Variants in GALNTL6 observed in about 807,000 individuals in gnomAD.
GALNTL6 encodes the protein polypeptide N-acetylgalactosaminyltransferase-like 6.
In GALNTL6, 46 loss-of-function variants were observed where a neutral mutation model predicts 73.7. The ratio of observed to expected loss-of-function variants is 0.62; its 90% CI spans 0.49 to 0.80. The LOEUF is 0.80. Ranked by LOEUF, GALNTL6 falls within the 30% of genes least tolerant of loss-of-function variation. The pLI is 0.00. For missense variants in GALNTL6, 604 were observed against 755.0 expected (o/e 0.80, Z 2.34); for synonymous variants, 259 against 263.7 (o/e 0.98, Z 0.17).
chr4:172,388,475 T>C (rs756255119), intron 5 of GALNTL6, among the ~76,000 whole-genome samples: 1 of 152,102 alleles, frequency 6.6e-6, no homozygotes, highest in Non-Finnish European at 1.5e-5. Context: ...AAGACATTTA[T>C]TAGGAAAGTT....
chr4:172,893,342 T>TGGGGGGG (rs1188538488), intron 8 of GALNTL6, among the ~76,000 whole-genome samples: 1 of 129,664 alleles, frequency 7.7e-6, no homozygotes, highest in African/African-American at 3.3e-5. Context: ...GTTCTGAGAG[T>TGGGGGGG]GGCGGGGGGG....
chr4:172,901,631 A>G (rs1336652284), intron 8 of GALNTL6, among the ~76,000 whole-genome samples: 1 of 152,222 alleles, frequency 6.6e-6, no homozygotes, highest in Non-Finnish European at 1.5e-5. Context: ...GAAACAAAGA[A>G]TCATTTCACT....
At chr4:172,249,720 C>T (rs1737788872) in intron 3 of GALNTL6, among the ~76,000 whole-genome samples, 1 of 152,210 alleles carries the variant, frequency 6.6e-6, no homozygotes, top group Non-Finnish European at 1.5e-5. Context: ...TCAGAGGGTG[C>T]AAGCCCCAAG....
intron 5 of GALNTL6, among the ~76,000 whole-genome samples, chr4:172,657,473 T>C (rs1731094578): frequency 6.6e-6 from 1 of 152,248 alleles, no homozygotes; most frequent in South Asian, 2.1e-4. Flanking sequence ...GTTTGTTTTT[T>C]ATTTTGAAAG....
At chr4:172,587,855 G>A (rs1236324892) in intron 5 of GALNTL6, among the ~76,000 whole-genome samples, 2 of 152,182 alleles carry the variant, frequency 1.3e-5, no homozygotes, top group South Asian at 2.1e-4. Flanking sequence ...CACATGAGCT[G>A]TGCTTTACTC....
chr4:172,898,623 A>T (rs1411416797), intron 8 of GALNTL6, among the ~76,000 whole-genome samples: 1 of 152,150 alleles, frequency 6.6e-6, no homozygotes, highest in Non-Finnish European at 1.5e-5. Flanking sequence ...GTTATTGCTG[A>T]GGGAAAAAAA....
At chr4:172,177,755 G>GTACACATATGTACACA (rs1366100452) in intron 2 of GALNTL6, among the ~76,000 whole-genome samples, 1 of 54,830 alleles carries the variant, frequency 1.8e-5, no homozygotes, top group Non-Finnish European at 4.9e-5. Flanking sequence ...GTATATATAT[G>GTACACATATGTACACA]TGTGTATATA....
chr4:172,839,747 C>A (rs1579550757), intron 7 of GALNTL6, among the ~76,000 whole-genome samples: 1 of 152,268 alleles, frequency 6.6e-6, no homozygotes, highest in East Asian at 1.9e-4. Context: ...GTTGAATAAC[C>A]TTTGAGGCAA....
intron 9 of GALNTL6, among the ~76,000 whole-genome samples, chr4:172,946,048 G>A (rs1027445603): frequency 6.6e-6 from 1 of 152,142 alleles, no homozygotes; most frequent in Non-Finnish European, 1.5e-5. Context: ...CTTGCTGTAG[G>A]AGTGACTGTG....
intron 2 of GALNTL6, among the ~76,000 whole-genome samples, chr4:171,875,177 T>A (rs1164963552): frequency 6.6e-6 from 1 of 152,082 alleles, no homozygotes; most frequent in Non-Finnish European, 1.5e-5. Context: ...TACCAGGAAG[T>A]GTGGGGGTCC....
chr4:172,590,602 T>C (rs1441020201), intron 5 of GALNTL6, among the ~76,000 whole-genome samples: 2 of 152,170 alleles, frequency 1.3e-5, no homozygotes, highest in Non-Finnish European at 2.9e-5. Context: ...GAACATAGTA[T>C]AATTCACTTT....
intron 2 of GALNTL6, among the ~76,000 whole-genome samples, chr4:171,964,877 A>T (rs1739342110): frequency 6.6e-6 from 1 of 152,234 alleles, no homozygotes; most frequent in South Asian, 2.1e-4. Flanking sequence ...TTGGCTGGCC[A>T]CTGAAGGGAC....
chr4:172,708,552 G>C (rs1734502506), intron 5 of GALNTL6, among the ~76,000 whole-genome samples: 1 of 152,150 alleles, frequency 6.6e-6, no homozygotes, highest in South Asian at 2.1e-4. Flanking sequence ...CTCTCCCACA[G>C]ATTCCTTGTC....
At chr4:172,786,147 C>G (rs182976393) in intron 5 of GALNTL6, among the ~76,000 whole-genome samples, 2 of 151,690 alleles carry the variant, frequency 1.3e-5, no homozygotes, top group African/African-American at 4.8e-5. Flanking sequence ...AGTACTTGAA[C>G]TCCAATTCGC....
chr4:172,739,654 G>A (rs1375046333), intron 5 of GALNTL6, among the ~76,000 whole-genome samples: 5 of 151,998 alleles, frequency 3.3e-5, no homozygotes, highest in African/African-American at 9.7e-5. Flanking sequence ...TGTATTGATA[G>A]TACCCAGGAT....
intron 10 of GALNTL6, among the ~76,000 whole-genome samples, chr4:173,002,451 A>G (rs892949066): frequency 6.6e-6 from 1 of 152,040 alleles, no homozygotes; most frequent in African/African-American, 2.4e-5. Context: ...AATGGATACA[A>G]ATTTGGCATA....
intron 2 of GALNTL6, among the ~76,000 whole-genome samples, chr4:172,051,620 G>A (rs1730868696): frequency 6.6e-6 from 1 of 152,024 alleles, no homozygotes; most frequent in Non-Finnish European, 1.5e-5. Context: ...CTACCACACT[G>A]TTCTGCCATT....
At chr4:172,052,900 C>A (rs1560901932) in intron 2 of GALNTL6, among the ~76,000 whole-genome samples, 2 of 151,906 alleles carry the variant, frequency 1.3e-5, no homozygotes, top group Non-Finnish European at 2.9e-5. Flanking sequence ...AAACAAAAAA[C>A]AAAAAAACTA....
intron 5 of GALNTL6, among the ~76,000 whole-genome samples, chr4:172,475,554 T>C (rs180944815): frequency 6.0e-4 from 91 of 152,336 alleles, no homozygotes; most frequent in African/African-American, 1.8e-3. Flanking sequence ...ATTTACTTTT[T>C]CGGCATTTTC....
Sources: gnomAD v4.1 joint callset for allele counts (sites outside exome capture counted in the v4.1 genomes callset) on GRCh38, gnomAD v4.1.1 for gene constraint, MANE v1.5 for transcripts, NCBI Gene and HGNC (gene_info 2026-07-23, HGNC 2026-07-21) for gene names.